CRYBG3: variants seen among roughly 807,000 people sequenced by gnomAD.
CRYBG3 encodes very large A-kinase anchor protein.
CRYBG3 carries 127 observed loss-of-function variants against 244.2 expected under a neutral mutation model. The observed-to-expected ratio is 0.52, with a 90% CI of 0.45 to 0.60. The LOEUF is 0.60. CRYBG3 is among the 20% of genes least tolerant of loss of function. CRYBG3 has a pLI of 0.00. For synonymous variants in CRYBG3, 1,132 were observed against 1,195.8 expected, an observed-to-expected ratio of 0.95 and a Z score of 1.10; for missense variants, 3,325 against 3,442.5, an observed-to-expected ratio of 0.97 and a Z score of 0.85.
At chr3:97,846,035 G>A (rs957809220) in intron 2 of CRYBG3, among the ~76,000 whole-genome samples, 3 of 152,122 alleles carry the variant, frequency 2.0e-5, no homozygotes, top group African/African-American at 7.2e-5. Flanking sequence ...CACGTGTCAT[G>A]GATGCTCAGT....
intron 1 of CRYBG3, among the ~76,000 whole-genome samples, chr3:97,836,104 G>A (rs2038729384): frequency 6.6e-6 from 1 of 152,052 alleles, no homozygotes; most frequent in Admixed American, 6.6e-5. Flanking sequence ...CAGGAAATAA[G>A]TCAGCCTCAA....
chr3:97,880,390 G>A (rs1433385837), intron 6 of CRYBG3, among the ~76,000 whole-genome samples: 3 of 152,208 alleles, frequency 2.0e-5, no homozygotes, highest in Non-Finnish European at 2.9e-5. Context: ...GATTTGGCAA[G>A]TTTGGGTGAA....
chr3:97,919,715 A>C (rs962819298), intron 17 of CRYBG3, among the ~76,000 whole-genome samples: 14 of 66,740 alleles, frequency 2.1e-4, no homozygotes, highest in African/African-American at 7.9e-4. Context: ...TAAAATGATT[A>C]AAAAAAAAAA....
chr3:97,900,630 C>T, intron 15 of CRYBG3, 145 bp downstream of exon 15: 1 of 600,456 alleles, frequency 1.7e-6, no homozygotes, highest in East Asian at 2.9e-5. Context: ...TACCTATGAG[C>T]AGAAGAATTC....
intron 1 of CRYBG3, among the ~76,000 whole-genome samples, chr3:97,838,469 A>C (rs955546582): frequency 6.6e-6 from 1 of 152,118 alleles, no homozygotes; most frequent in Non-Finnish European, 1.5e-5. Context: ...TGTAGCTCAA[A>C]ATATAGATTC....
chr3:97,933,463 A>T lies in CRYBG3; in HGVS notation c.8242-231A>T, dbSNP rs540146478. On this transcript the variant is annotated intron_variant, in intron 17 of 21. Coordinates refer to ENST00000389622, the MANE Select transcript of CRYBG3 (RefSeq NM_153605.4). ...CTTTATTATGGCTGTTTTTATTATGAGATTGATTGCTTTTCTGATAACTTG... is the reference window on the plus strand; with the variant it reads ...CTTTATTATGGCTGTTTTTATTATGTGATTGATTGCTTTTCTGATAACTTG... The T allele has an allele frequency of 6.8e-6, 4 of 588,260 alleles. No individual in the cohort carries two copies. The East Asian group carries it at 1.4e-4, about 20-fold the overall frequency. The allele number at this position is 588,260 out of a possible 1,614,324, so 36.4% of individuals were successfully genotyped here. A position where few individuals can be genotyped will look rare whatever the true frequency, so the allele number is the denominator to read the frequency against.
intron 2 of CRYBG3, among the ~76,000 whole-genome samples, chr3:97,856,741 AT>A (rs2039071382): frequency 6.6e-6 from 1 of 151,946 alleles, no homozygotes; most frequent in African/African-American, 2.4e-5. Flanking sequence ...CCTTTGTATT[AT>A]GGTGGTATCG....
chr3:97,902,710 A>T (rs2039719913), intron 15 of CRYBG3, among the ~76,000 whole-genome samples: 1 of 152,086 alleles, frequency 6.6e-6, no homozygotes, highest in Admixed American at 6.6e-5. Context: ...TGCAGAGAAC[A>T]CCACCTTTTA....
At position 97,856,189 on chromosome 3, in the gene CRYBG3, C is replaced by T. The variant is rs994760972; in HGVS notation, c.217-8028C>T. Among the ~76,000 whole-genome samples the T allele has an allele frequency of 3.9e-5, 6 of 152,130 alleles. No individual in the cohort carries two copies. In the South Asian group the frequency reaches 8.3e-4, roughly 21 times the overall value. On this transcript the variant is annotated intron_variant, in intron 2 of 21. Transcript: ENST00000389622. ...AGAAAAAGAATTCAGCGATATTTCTCCCATTTGCTTTTGAAAGAAGAGAAA... is the reference window on the plus strand; with the variant it reads ...AGAAAAAGAATTCAGCGATATTTCTTCCATTTGCTTTTGAAAGAAGAGAAA...
At chr3:97,899,091 A>G in intron 13 of CRYBG3, 46 bp from the exon 14 acceptor site, 3 of 1,600,586 alleles carry the variant, frequency 1.9e-6, no homozygotes, top group Admixed American at 1.7e-5. Flanking sequence ...GCTCAATTGT[A>G]TATCACTTGT....
intron 2 of CRYBG3, among the ~76,000 whole-genome samples, chr3:97,848,669 G>T (rs529947526): frequency 1.3e-5 from 2 of 152,102 alleles, no homozygotes; most frequent in East Asian, 1.9e-4. Context: ...CAAGCAATTC[G>T]CTCACCTCAG....
At chr3:97,825,966 T>A (rs1025084499) in intron 1 of CRYBG3, among the ~76,000 whole-genome samples, 1 of 152,234 alleles carries the variant, frequency 6.6e-6, no homozygotes, top group African/African-American at 2.4e-5. Flanking sequence ...TTTATTGATT[T>A]GAAGCACTAA....
In CRYBG3 at chr3:97,899,271, AAGTATGAACAT is replaced by A. The variant is rs747539647; in HGVS notation, c.7971+11_7971+21del. 1 of 1,609,884 alleles carries A rather than the reference AAGTATGAACAT, an allele frequency of 6.2e-7. No individual in the cohort carries two copies. The highest frequency in any genetic ancestry group is 8.5e-7 in the Non-Finnish European group (1 of 1,178,714). ...ATACGGCCAATCCAACTGGTGAGTGAAGTATGAACATAGCCAGTGCTGCATCATGTAATAGT... is the reference window on the plus strand; with the variant it reads ...ATACGGCCAATCCAACTGGTGAGTGAAGCCAGTGCTGCATCATGTAATAGT... On this transcript the variant is annotated intron_variant, in intron 14 of 21. Coordinates refer to ENST00000389622, the MANE Select transcript of CRYBG3 (RefSeq NM_153605.4).
chr3:97,935,945 ACACTGACCTTG>A (rs1349393701), intron 18 of CRYBG3, among the ~76,000 whole-genome samples: 1 of 152,128 alleles, frequency 6.6e-6, no homozygotes, highest in African/African-American at 2.4e-5. Flanking sequence ...AGCACTGTGT[ACACTGACCTTG>A]AGTCCTGCTG....
At chr3:97,928,613 G>T (rs2040065258) in intron 17 of CRYBG3, among the ~76,000 whole-genome samples, 1 of 151,974 alleles carries the variant, frequency 6.6e-6, no homozygotes, top group Non-Finnish European at 1.5e-5. Flanking sequence ...TAAACTGAAT[G>T]TATTTTGGGA....
At chr3:97,918,334 A>G (rs1183610339) in intron 17 of CRYBG3, among the ~76,000 whole-genome samples, 1 of 152,234 alleles carries the variant, frequency 6.6e-6, no homozygotes, top group Admixed American at 6.5e-5. Flanking sequence ...CTAGAGGGGC[A>G]TTGACACATA....
At chr3:97,927,250 C>G (rs866646336) in intron 17 of CRYBG3, among the ~76,000 whole-genome samples, 20 of 151,998 alleles carry the variant, frequency 1.3e-4, no homozygotes, top group African/African-American at 4.8e-4. Flanking sequence ...TTAGAGAACT[C>G]AGAAATAAAG....
rs1234298203 is a variant in CRYBG3, at chr3:97,942,372, A to G, written c.8753A>G (p.Gln2918Arg). The G allele has an allele frequency of 2.5e-6, 4 of 1,611,876 alleles. No individual in the cohort carries two copies. Among genetic ancestry groups the G allele is most frequent in the Non-Finnish European group, 3.4e-6 (4 of 1,178,582 alleles). Residue 2918 changes from glutamine to arginine, a missense_variant, in exon 21 of 22, where the codon CAG (glutamine) becomes CGG (arginine). Transcript: ENST00000389622. ...TGGACTGAACATGGGCAATTCAGGC[A>G]GAAGTGGAGACTGAATAAAAATGGA... The part of the protein sequence containing the change: ...ALWTEHGQFR[Q>R]KWRLNKNGTI...
At position 97,875,052 on chromosome 3, in the gene CRYBG3, G is replaced by T. The variant is rs1399649800; in HGVS notation, c.3858G>T (p.Lys1286Asn). ...GTGTTTCACCAACAGTTGGTGAGAA[G>T]AATCTTCTTGTTGATCCTAATAGTA... ...KPCVSPTVGE[K>N]NLLVDPNSMN... Residue 1286 changes from lysine to asparagine, a missense_variant, in exon 4 of 22, where the codon AAG (lysine) becomes AAT (asparagine). Lys to Asn is a moderately conservative substitution (Grantham distance 94). This residue lies in a region of CRYBG3 where 635 missense variants were observed against 771.7 expected (regional missense o/e 0.82). Coordinates refer to ENST00000389622, the MANE Select transcript of CRYBG3 (RefSeq NM_153605.4). 22 of 1,534,200 alleles carry T rather than the reference G, an allele frequency of 1.4e-5. No individual in the cohort carries two copies. Among genetic ancestry groups the T allele is most frequent in the Non-Finnish European group, 1.9e-5 (22 of 1,146,214 alleles).
Sources: allele counts gnomAD v4.1 joint callset (sites outside exome capture counted in the v4.1 genomes callset), GRCh38; gene constraint gnomAD v4.1.1; regional missense constraint gnomAD v4.1.1; transcripts MANE v1.5; gene names NCBI Gene and HGNC (gene_info 2026-07-23, HGNC 2026-07-21).